PAK5: variants seen among roughly 807,000 people sequenced by gnomAD.
PAK5 encodes the protein serine/threonine-protein kinase PAK 5.
In PAK5, 16 loss-of-function variants were observed where a neutral mutation model predicts 65.9. That is an observed-to-expected ratio of 0.24 (90% CI 0.16 to 0.37). PAK5 has a LOEUF of 0.37. PAK5 is among the 10% of genes least tolerant of loss of function. The pLI is 1.00. For synonymous variants in PAK5, 371 were observed against 354.9 expected (o/e 1.05, Z -0.51); for missense variants, 785 against 903.9 (o/e 0.87, Z 1.69).
Position 9,813,863 on chromosome 20 carries a change from C to T in PAK5, c.-162+24899G>A, listed in dbSNP as rs181264587. 1.5e-3 allele frequency among the ~76,000 whole-genome samples: 232 copies of T among 152,286 alleles called. 1 individual carries two copies. Among genetic ancestry groups the T allele is most frequent in the South Asian group, 2.5e-3 (12 of 4,828 alleles). On this transcript the variant is annotated intron_variant, in intron 1 of 9. Coordinates refer to ENST00000353224, the MANE Select transcript of PAK5 (RefSeq NM_177990.4). ...TTCTGGGTGCTTGTACAAAGGTGTG[C>T]TCACTTGGTGAAAATTCATCCAGTT...
Position 9,537,772 on chromosome 20 carries a change from T to C in PAK5, c.*1690A>G, listed in dbSNP as rs1603181142. 5 of 222,190 alleles carry C rather than the reference T, an allele frequency of 2.3e-5. No individual in the cohort carries two copies. The East Asian group carries it at 3.3e-4, about 15-fold the overall frequency. The allele number at this position is 222,190 out of a possible 1,614,324, so 13.8% of individuals were successfully genotyped here. A position where few individuals can be genotyped will look rare whatever the true frequency, so the allele number is the denominator to read the frequency against. On this transcript the variant is annotated 3_prime_UTR_variant, in exon 10 of 10. Transcript: ENST00000353224. Reference sequence around the variant, plus strand: ...TTTAATATTTTACATAAAACATTGATTTGCTGTTTTATGAAGCAAAATCAT... The same window carrying C: ...TTTAATATTTTACATAAAACATTGACTTGCTGTTTTATGAAGCAAAATCAT...
chr20:9,766,365 A>AT, intron 1 of PAK5, among the ~76,000 whole-genome samples: 1 of 110,646 alleles, frequency 9.0e-6, no homozygotes, highest in Non-Finnish European at 1.8e-5. Context: ...GAATATATAT[A>AT]TATATTCAAG....
intron 1 of PAK5, among the ~76,000 whole-genome samples, chr20:9,762,143 C>G (rs917975000): frequency 6.6e-6 from 1 of 152,114 alleles, no homozygotes; most frequent in African/African-American, 2.4e-5. Context: ...AAATGTAACA[C>G]TTGAAGATGT....
At chr20:9,713,977 C>A (rs912251854) in intron 1 of PAK5, among the ~76,000 whole-genome samples, 1 of 152,034 alleles carries the variant, frequency 6.6e-6, no homozygotes, top group Non-Finnish European at 1.5e-5. Flanking sequence ...CCGTAATTTA[C>A]TGTATATTTC....
At chr20:9,647,933 C>A (rs554359775) in intron 2 of PAK5, among the ~76,000 whole-genome samples, 10 of 152,322 alleles carry the variant, frequency 6.6e-5, no homozygotes, top group African/African-American at 1.7e-4. Flanking sequence ...AGACAGGGTC[C>A]TAGTGCCTTT....
chr20:9,605,687 G>A (rs1283061097), intron 3 of PAK5, among the ~76,000 whole-genome samples: 5 of 152,180 alleles, frequency 3.3e-5, no homozygotes, highest in African/African-American at 1.2e-4. Flanking sequence ...CCAACACTTT[G>A]TGAGGCCAAG....
intron 1 of PAK5, among the ~76,000 whole-genome samples, chr20:9,729,186 A>G (rs6056831): frequency 0.14 from 21,082 of 151,792 alleles, 2,025 homozygotes; most frequent in African/African-American, 0.26. Flanking sequence ...AGTGAGCCAA[A>G]ATTGTGCCAC....
chr20:9,581,055 C>T (rs1425352453), intron 3 of PAK5, 125 bp from the exon 4 acceptor site: 1 of 657,962 alleles, frequency 1.5e-6, no homozygotes, highest in East Asian at 2.6e-5. Flanking sequence ...GAACACTTAA[C>T]ACAAAATGAT....
At chr20:9,573,311 G>A (rs1198737142) in intron 4 of PAK5, among the ~76,000 whole-genome samples, 1 of 152,144 alleles carries the variant, frequency 6.6e-6, no homozygotes, top group African/African-American at 2.4e-5. Context: ...TTTCTACAAT[G>A]AGCTCAACAT....
rs533515131 is a variant in PAK5, at chr20:9,571,341, G to A, written c.991-4957C>T. Among the ~76,000 whole-genome samples the A allele has an allele frequency of 7.2e-5, 11 of 152,312 alleles. No homozygotes were observed. The South Asian group carries it at 1.7e-3, about 23-fold the overall frequency. On this transcript the variant is annotated intron_variant, in intron 4 of 9. Coordinates refer to ENST00000353224, the MANE Select transcript of PAK5 (RefSeq NM_177990.4). The stretch of plus-strand genomic sequence containing the variant: ...TCACCAGCCCACACACTTTCAACAG[G>A]TCTTGTTCTTTTTATTCTGGGAATC...
chr20:9,683,582 C>T (rs1054506040), intron 2 of PAK5, among the ~76,000 whole-genome samples: 6 of 152,170 alleles, frequency 3.9e-5, no homozygotes, highest in African/African-American at 1.4e-4. Flanking sequence ...CAAATCCTTT[C>T]CCTGTTTATC....
At chr20:9,692,729 G>T (rs1205592749) in intron 2 of PAK5, among the ~76,000 whole-genome samples, 1 of 152,040 alleles carries the variant, frequency 6.6e-6, no homozygotes, top group Admixed American at 6.6e-5. Flanking sequence ...TTTAGGCATG[G>T]TCATGACAAA....
intron 1 of PAK5, among the ~76,000 whole-genome samples, chr20:9,717,327 A>C (rs2048160490): frequency 6.6e-6 from 1 of 152,108 alleles, no homozygotes; most frequent in Non-Finnish European, 1.5e-5. Context: ...GAGATTATTT[A>C]CTCATCTGAA....
chr20:9,616,024 T>C (rs1278952514), intron 3 of PAK5, among the ~76,000 whole-genome samples: 1 of 152,160 alleles, frequency 6.6e-6, no homozygotes, highest in Admixed American at 6.5e-5. Context: ...TCCCCATTCT[T>C]CTGGTTACAA....
At chr20:9,676,586 G>A (rs1269983686) in intron 2 of PAK5, among the ~76,000 whole-genome samples, 1 of 152,168 alleles carries the variant, frequency 6.6e-6, no homozygotes, top group Non-Finnish European at 1.5e-5. Flanking sequence ...ACATGGTTGG[G>A]AAGTGAGATA....
At chr20:9,722,522 G>C (rs1050076726) in intron 1 of PAK5, among the ~76,000 whole-genome samples, 7 of 151,942 alleles carry the variant, frequency 4.6e-5, no homozygotes, top group African/African-American at 1.7e-4. Flanking sequence ...TGAGGCAGGA[G>C]AATGGCATGA....
intron 2 of PAK5, among the ~76,000 whole-genome samples, chr20:9,699,320 T>A (rs1402293068): frequency 6.6e-6 from 1 of 152,142 alleles, no homozygotes; most frequent in Non-Finnish European, 1.5e-5. Flanking sequence ...AGAGAGCAGA[T>A]GCCAAATAAA....
intron 2 of PAK5, among the ~76,000 whole-genome samples, chr20:9,665,679 A>G (rs2047407564): frequency 6.9e-6 from 1 of 145,464 alleles, no homozygotes; most frequent in South Asian, 2.2e-4. Flanking sequence ...TTTTTTTGAG[A>G]TGGGGTCTCG....
chr20:9,824,447 G>C (rs1264620778), intron 1 of PAK5, among the ~76,000 whole-genome samples: 1 of 152,178 alleles, frequency 6.6e-6, no homozygotes, highest in Non-Finnish European at 1.5e-5. Context: ...GGCAGGACTG[G>C]AGTAATGGTG....
Sources: allele counts gnomAD v4.1 joint callset (sites outside exome capture counted in the v4.1 genomes callset), GRCh38; gene constraint gnomAD v4.1.1; transcripts MANE v1.5; gene names NCBI Gene and HGNC (gene_info 2026-07-23, HGNC 2026-07-21).